The following FRMD4A variants were observed in gnomAD, a reference collection of about 807,000 sequenced individuals.
The protein encoded by FRMD4A is FERM domain-containing protein 4A.
FRMD4A carries 29 observed loss-of-function variants against 129.1 expected under a neutral mutation model. The observed-to-expected ratio is 0.22, with a 90% CI of 0.17 to 0.31. The LOEUF (loss-of-function observed/expected upper bound fraction) is 0.31, where lower values mean the gene tolerates loss of function less well. Ranked by LOEUF, FRMD4A falls within the 10% of genes least tolerant of loss-of-function variation. FRMD4A has a pLI of 1.00. For synonymous variants in FRMD4A, 634 were observed against 571.6 expected, an observed-to-expected ratio of 1.11 and a Z score of -1.56; for missense variants, 1,272 against 1,375.8, an observed-to-expected ratio of 0.92 and a Z score of 1.19.
chr10:13,915,528 C>T (rs969843325), intron 2 of FRMD4A, among the ~76,000 whole-genome samples: 17 of 151,730 alleles, frequency 1.1e-4, no homozygotes, highest in Admixed American at 6.6e-5. Flanking sequence ...AAAAATTAGC[C>T]GGGCATGGTG....
chr10:13,797,723 T>C (rs540230215), intron 4 of FRMD4A, among the ~76,000 whole-genome samples: 12 of 152,202 alleles, frequency 7.9e-5, no homozygotes, highest in African/African-American at 2.9e-4. Flanking sequence ...CCACTGCATT[T>C]CCCCCGTAGC....
At chr10:13,661,871 G>A (rs1333908651) in intron 19 of FRMD4A, among the ~76,000 whole-genome samples, 2 of 152,094 alleles carry the variant, frequency 1.3e-5, no homozygotes, top group African/African-American at 4.8e-5. Context: ...TTGTTTCACA[G>A]CCTAATTCTC....
At chr10:13,886,304 C>G (rs985912963) in intron 2 of FRMD4A, among the ~76,000 whole-genome samples, 2 of 152,066 alleles carry the variant, frequency 1.3e-5, no homozygotes, top group African/African-American at 2.4e-5. Flanking sequence ...GCTGCATCAC[C>G]AATGAACAGG....
chr10:14,200,226 C>T (rs1308274199), intron 2 of FRMD4A, among the ~76,000 whole-genome samples: 1 of 150,660 alleles, frequency 6.6e-6, no homozygotes, highest in Non-Finnish European at 1.5e-5. Flanking sequence ...TTAAAATCTA[C>T]TCTGACACAA....
At chr10:13,878,427 G>A (rs1405977874) in intron 2 of FRMD4A, among the ~76,000 whole-genome samples, 1 of 152,148 alleles carries the variant, frequency 6.6e-6, no homozygotes, top group Non-Finnish European at 1.5e-5. Flanking sequence ...TAACCAAAGT[G>A]CAGTGTATTT....
chr10:13,799,460 A>G (rs561495990), intron 4 of FRMD4A, among the ~76,000 whole-genome samples: 9 of 152,284 alleles, frequency 5.9e-5, no homozygotes, highest in South Asian at 4.1e-4. Flanking sequence ...GCCCAGCACC[A>G]GTTGACTTTC....
Position 13,700,839 on chromosome 10 carries a change from T to C in FRMD4A, c.975+501A>G, listed in dbSNP as rs1391745127. Reference sequence around the variant, plus strand: ...TAGTTGCTTTTTTTTTTTTTTTTTTTTTTTTTAACGTTTCCAGTTTTGCAT... The same window carrying C: ...TAGTTGCTTTTTTTTTTTTTTTTTTCTTTTTTAACGTTTCCAGTTTTGCAT... On this transcript the variant is annotated intron_variant, in intron 14 of 24. Coordinates refer to ENST00000357447, the MANE Select transcript of FRMD4A (RefSeq NM_018027.5). Among the ~76,000 whole-genome samples the C allele has an allele frequency of 3.1e-5, 3 of 96,536 alleles. No individual in the cohort carries two copies. The East Asian group carries it at 8.7e-4, about 28-fold the overall frequency. The allele number at this position is 96,536 out of a possible 152,430, so 63.3% of individuals were successfully genotyped here.
intron 2 of FRMD4A, chr10:14,007,966 C>A: frequency 8.0e-7 from 1 of 1,255,452 alleles, no homozygotes; most frequent in Non-Finnish European, 1.0e-6. Context: ...GTTCAGGAAA[C>A]GTGAGTAACA....
intron 2 of FRMD4A, among the ~76,000 whole-genome samples, chr10:13,910,733 G>T (rs1188750243): frequency 1.3e-5 from 2 of 151,276 alleles, no homozygotes; most frequent in Non-Finnish European, 2.9e-5. Context: ...GTGTTTTATT[G>T]AGCACAATAT....
intron 3 of FRMD4A, among the ~76,000 whole-genome samples, chr10:13,852,713 C>T (rs745442072): frequency 7.2e-5 from 11 of 152,012 alleles, no homozygotes; most frequent in Non-Finnish European, 1.6e-4. Flanking sequence ...TATACTTGCT[C>T]ACAGCTGGCG....
intron 2 of FRMD4A, among the ~76,000 whole-genome samples, chr10:13,950,216 C>T (rs887985311): frequency 3.9e-5 from 6 of 152,026 alleles, no homozygotes; most frequent in Non-Finnish European, 7.4e-5. Flanking sequence ...CCCAGGCAGG[C>T]GGAGGCAAAA....
intron 2 of FRMD4A, among the ~76,000 whole-genome samples, chr10:13,883,523 C>A (rs1466628761): frequency 1.3e-5 from 2 of 152,092 alleles, no homozygotes; most frequent in Non-Finnish European, 1.5e-5. Context: ...AACCAAGAAA[C>A]AAAGCACTGT....
At chr10:13,691,642 G>C (rs1441760656) in intron 15 of FRMD4A, among the ~76,000 whole-genome samples, 1 of 152,198 alleles carries the variant, frequency 6.6e-6, no homozygotes, top group South Asian at 2.1e-4. Context: ...AGCTCTGAGA[G>C]GGGTTTTGAC....
chr10:13,801,669 C>T (rs911786388), intron 4 of FRMD4A, among the ~76,000 whole-genome samples: 6 of 152,180 alleles, frequency 3.9e-5, no homozygotes, highest in Admixed American at 2.6e-4. Flanking sequence ...AAACTGGAAA[C>T]CATAATTCTG....
intron 12 of FRMD4A, among the ~76,000 whole-genome samples, chr10:13,733,071 A>G (rs1449165146): frequency 1.3e-5 from 2 of 152,170 alleles, no homozygotes; most frequent in Non-Finnish European, 2.9e-5. Flanking sequence ...ACTGGCCTGG[A>G]GGCACTGAAG....
At chr10:14,161,581 T>C (rs766070831) in intron 2 of FRMD4A, among the ~76,000 whole-genome samples, 20 of 152,088 alleles carry the variant, frequency 1.3e-4, no homozygotes, top group African/African-American at 1.9e-4. Context: ...AAATATCACA[T>C]ATTCTCACTC....
chr10:14,051,153 C>T (rs911578812), intron 2 of FRMD4A, among the ~76,000 whole-genome samples: 1 of 152,216 alleles, frequency 6.6e-6, no homozygotes, highest in African/African-American at 2.4e-5. Flanking sequence ...AATAGCCTAA[C>T]CAAAATGCAG....
At chr10:13,934,511 T>C (rs1453059803) in intron 2 of FRMD4A, among the ~76,000 whole-genome samples, 1 of 152,052 alleles carries the variant, frequency 6.6e-6, no homozygotes, top group African/African-American at 2.4e-5. Context: ...TCCTTTCACA[T>C]TCATTAACCA....
intron 15 of FRMD4A, among the ~76,000 whole-genome samples, chr10:13,678,399 G>A (rs527787946): frequency 8.5e-5 from 13 of 152,328 alleles, no homozygotes; most frequent in African/African-American, 2.9e-4. Context: ...CCACTGTGGC[G>A]GTAACTGGAT....
Sources: gnomAD v4.1 joint callset for allele counts (sites outside exome capture counted in the v4.1 genomes callset) on GRCh38, gnomAD v4.1.1 for gene constraint, MANE v1.5 for transcripts, NCBI Gene and HGNC (gene_info 2026-07-23, HGNC 2026-07-21) for gene names.